The following RAB38 variants were observed in gnomAD, a reference collection of about 807,000 sequenced individuals.
RAB38 encodes ras-related protein Rab-38.
A neutral mutation model predicts 18.4 loss-of-function variants in RAB38; 15 were observed. The observed-to-expected ratio is 0.82, with a 90% CI of 0.55 to 1.26. The LOEUF is 1.26. Ranked by LOEUF, RAB38 falls within the 50% of genes most tolerant of loss-of-function variation. The probability of loss-of-function intolerance (pLI) is 0.00; values close to 1 mark genes in which losing one functional copy is unlikely to be tolerated. For missense variants in RAB38, 294 were observed against 267.4 expected (o/e 1.10, Z -0.69); for synonymous variants, 101 against 104.4 (o/e 0.97, Z 0.20).
chr11:87,949,831 A>G, the RAB38 span, among the ~76,000 whole-genome samples: 13 of 152,288 alleles, frequency 8.5e-5, no homozygotes, highest in African/African-American at 3.1e-4. Flanking sequence ...GTTTTGGAGT[A>G]GGTGTGGTGT....
the RAB38 span, among the ~76,000 whole-genome samples, chr11:88,014,427 G>T: frequency 6.6e-6 from 1 of 152,018 alleles, no homozygotes; most frequent in Non-Finnish European, 1.5e-5. Flanking sequence ...AAGGCTATTT[G>T]GTAGGTATTA....
At chr11:87,841,820 C>T in the RAB38 span, among the ~76,000 whole-genome samples, 7 of 152,148 alleles carry the variant, frequency 4.6e-5, no homozygotes, top group Non-Finnish European at 8.8e-5. Flanking sequence ...ACCAGAATAT[C>T]TGGGCAACAT....
At chr11:88,075,984 G>A in the RAB38 span, among the ~76,000 whole-genome samples, 3 of 148,590 alleles carry the variant, frequency 2.0e-5, no homozygotes, top group African/African-American at 4.9e-5. Flanking sequence ...AACAGTAGAA[G>A]GAATGAAATA....
the RAB38 span, among the ~76,000 whole-genome samples, chr11:87,902,696 C>A: frequency 9.3e-5 from 14 of 151,296 alleles, no homozygotes; most frequent in African/African-American, 3.4e-4. Flanking sequence ...ATTCTCTCAG[C>A]AATATGTTAT....
the RAB38 span, among the ~76,000 whole-genome samples, chr11:87,837,445 C>G: frequency 1.3e-5 from 2 of 152,160 alleles, no homozygotes; most frequent in African/African-American, 4.8e-5. Context: ...TAGGCAACAT[C>G]TAGAGCTCTC....
At chr11:87,936,772 C>T in the RAB38 span, among the ~76,000 whole-genome samples, 1 of 152,014 alleles carries the variant, frequency 6.6e-6, no homozygotes, top group African/African-American at 2.4e-5. Flanking sequence ...TTGGGGAGAA[C>T]TGAAGTATAT....
the RAB38 span, among the ~76,000 whole-genome samples, chr11:88,064,160 G>A: frequency 1.3e-5 from 2 of 152,192 alleles, no homozygotes; most frequent in Admixed American, 6.5e-5. Context: ...CTATATGGGA[G>A]CTTGGGTTAT....
chr11:88,029,082 C>A, the RAB38 span, among the ~76,000 whole-genome samples: 1 of 151,910 alleles, frequency 6.6e-6, no homozygotes, highest in Admixed American at 6.6e-5. Context: ...ATTCAACATT[C>A]TTAAAGAAAA....
At chr11:87,936,540 A>C in the RAB38 span, among the ~76,000 whole-genome samples, 8 of 152,072 alleles carry the variant, frequency 5.3e-5, no homozygotes, top group Admixed American at 2.6e-4. Flanking sequence ...CATCCATACC[A>C]CACCATCAGT....
chr11:87,858,949 A>C, the RAB38 span, among the ~76,000 whole-genome samples: 1 of 151,536 alleles, frequency 6.6e-6, no homozygotes, highest in Non-Finnish European at 1.5e-5. Flanking sequence ...TAAAAAGTAA[A>C]AAAAAAAAAT....
At chr11:88,110,753 G>C (rs1452634108), downstream of RAB38, among the ~76,000 whole-genome samples, 1 of 149,794 alleles carries the variant, frequency 6.7e-6, no homozygotes, top group African/African-American at 2.5e-5. Context: ...GGAGGTGGAG[G>C]TTTCAGTGAG....
At chr11:88,117,341 G>A (rs918415801) in intron 2 of RAB38, among the ~76,000 whole-genome samples, 1 of 152,192 alleles carries the variant, frequency 6.6e-6, no homozygotes, top group African/African-American at 2.4e-5. Flanking sequence ...GGGCATCAGG[G>A]TGCCAGATCT....
chr11:88,052,038 G>A, the RAB38 span, among the ~76,000 whole-genome samples: 6 of 152,154 alleles, frequency 3.9e-5, no homozygotes, highest in African/African-American at 1.4e-4. Context: ...CAGGAGAATT[G>A]CTTGAACCAG....
chr11:87,917,397 C>A, the RAB38 span, among the ~76,000 whole-genome samples: 1 of 151,816 alleles, frequency 6.6e-6, no homozygotes, highest in Non-Finnish European at 1.5e-5. Flanking sequence ...ATTCTTGCTT[C>A]TGGTTTGAGA....
At chr11:88,042,623 G>A in the RAB38 span, among the ~76,000 whole-genome samples, 1 of 152,168 alleles carries the variant, frequency 6.6e-6, no homozygotes, top group Non-Finnish European at 1.5e-5. Flanking sequence ...CAGCTGTCTT[G>A]CCCTAATTAC....
chr11:87,804,044 G>A, the RAB38 span, among the ~76,000 whole-genome samples: 1 of 152,088 alleles, frequency 6.6e-6, no homozygotes, highest in South Asian at 2.1e-4. Flanking sequence ...ATGCAACTTG[G>A]GTGACCAAAA....
At chr11:87,874,593 A>G in the RAB38 span, among the ~76,000 whole-genome samples, 1 of 151,292 alleles carries the variant, frequency 6.6e-6, no homozygotes, top group African/African-American at 2.4e-5. Context: ...GCATATGTAT[A>G]CATATGTAAC....
At chr11:88,048,097 C>T in the RAB38 span, among the ~76,000 whole-genome samples, 3 of 152,098 alleles carry the variant, frequency 2.0e-5, no homozygotes, top group African/African-American at 7.2e-5. Context: ...ATTATTCAGG[C>T]CCCCTCCCTT....
intron 1 of RAB38, among the ~76,000 whole-genome samples, chr11:88,164,792 G>A (rs927473749): frequency 2.6e-5 from 4 of 151,948 alleles, no homozygotes; most frequent in Non-Finnish European, 5.9e-5. Context: ...GAGAACTTGC[G>A]CTGTAGCCTC....
Sources: allele counts gnomAD v4.1 joint callset (sites outside exome capture counted in the v4.1 genomes callset), GRCh38; gene constraint gnomAD v4.1.1; transcripts MANE v1.5; gene names NCBI Gene and HGNC (gene_info 2026-07-23, HGNC 2026-07-21).